Variants in PAK3 observed in about 807,000 individuals in gnomAD.
PAK3 encodes the protein serine/threonine-protein kinase PAK 3.
PAK3 carries 4 observed loss-of-function variants against 41.0 expected under a neutral mutation model. The ratio of observed to expected loss-of-function variants is 0.10; its 90% CI spans 0.05 to 0.22. The LOEUF (loss-of-function observed/expected upper bound fraction) is 0.22. PAK3 is among the 10% of genes least tolerant of loss of function. The pLI is 1.00. For synonymous variants in PAK3, 146 were observed against 139.6 expected (o/e 1.05, Z -0.32); for missense variants, 205 against 409.9 (o/e 0.50, Z 4.32).
In PAK3 at chrX:111,089,030, A is replaced by G. The variant is rs139180523; in HGVS notation, c.-27-34047A>G. 1.4e-3 allele frequency among the ~76,000 whole-genome samples: 154 copies of G among 111,649 alleles called. 1 individual carries two copies. The highest frequency in any genetic ancestry group is 2.3e-3 in the Non-Finnish European group (124 of 53,170). On this transcript the variant is annotated intron_variant, in intron 1 of 14. Transcript: ENST00000425146. Reference sequence around the variant, plus strand: ...ATATTGACATTCAGATTAACTATTAATAATGTTGCTCCTCTTCAGCCAAGT... The same window carrying G: ...ATATTGACATTCAGATTAACTATTAGTAATGTTGCTCCTCTTCAGCCAAGT...
At chrX:111,164,035 A>T (rs1165199954) in intron 10 of PAK3, among the ~76,000 whole-genome samples, 1 of 112,165 alleles carries the variant, frequency 8.9e-6, no homozygotes. Context: ...ATATGTTATG[A>T]TCATAACCCA....
At chrX:110,955,107 C>T (rs1056290617) in intron 1 of PAK3, among the ~76,000 whole-genome samples, 1 of 112,322 alleles carries the variant, frequency 8.9e-6, no homozygotes, top group Non-Finnish European at 1.9e-5. Context: ...TCCAGCAATA[C>T]AGACTCATTG....
At chrX:110,977,039 A>G (rs2091350388) in intron 1 of PAK3, among the ~76,000 whole-genome samples, 1 of 110,560 alleles carries the variant, frequency 9.0e-6, no homozygotes, top group Admixed American at 9.7e-5. Flanking sequence ...GCAAACCAAC[A>G]TGACACATGT....
intron 7 of PAK3, among the ~76,000 whole-genome samples, chrX:111,148,180 C>CCAAGTCACTCAGTCACAAAG (rs1394314882): frequency 8.9e-6 from 1 of 111,888 alleles, no homozygotes; most frequent in Admixed American, 9.4e-5. Context: ...CACTCAGTCA[C>CCAAGTCACTCAGTCACAAAG]TTACTGGGCT....
In PAK3 at chrX:111,220,945, C is replaced by CAAAAAAAAAAAAAAAAAAAAAA; in HGVS notation, c.*515_*516insAAAAAAAAAAAAAAAAAAAAAA. The stretch of plus-strand genomic sequence containing the variant: ...AAAAAAGAAAGCAAAAAAAGCAAGG[C>CAAAAAAAAAAAAAAAAAAAAAA]AAAAAAAAAAAAAAAAACAAACAAA... On this transcript the variant is annotated 3_prime_UTR_variant, in exon 18 of 18. Coordinates refer to ENST00000372007, the MANE Select transcript of PAK3 (RefSeq NM_002578.5). 4 of 49,419 alleles carry CAAAAAAAAAAAAAAAAAAAAAA rather than the reference C, an allele frequency of 8.1e-5. No homozygotes were observed. The highest frequency in any genetic ancestry group is 3.4e-4 in the African/African-American group (4 of 11,736). 4.1% of individuals were successfully genotyped at this position (49,419 alleles called of 1,213,427 possible). A position where few individuals can be genotyped will look rare whatever the true frequency, so the allele number is the denominator to read the frequency against.
At chrX:111,137,813 T>C (rs1249482636) in intron 5 of PAK3, among the ~76,000 whole-genome samples, 1 of 111,453 alleles carries the variant, frequency 9.0e-6, no homozygotes, top group African/African-American at 3.3e-5. Context: ...TGAGTTCCAA[T>C]AGAATATGGG....
chrX:111,195,109 T>C lies in PAK3; in HGVS notation c.1110+691T>C, dbSNP rs2094599516. On this transcript the variant is annotated intron_variant, in intron 14 of 17. Coordinates refer to ENST00000372007, the MANE Select transcript of PAK3 (RefSeq NM_002578.5). ...TTTCTATCAACAAAAGTAGGAACTC[T>C]GACTCACTGAAACTTGAAAACCAAT... Among the ~76,000 whole-genome samples, 4 of 112,463 alleles carry C rather than the reference T, an allele frequency of 3.6e-5. No homozygotes were observed. The Admixed American group carries it at 3.8e-4, about 11-fold the overall frequency.
Position 111,049,612 on chromosome X carries a change from A to G in PAK3, c.-27-73465A>G, listed in dbSNP as rs763118881. ...GACTAATCCCACCCAAATTGCATTTAAAGGCATTTAATACAGAAAATTTAT... is the reference window on the plus strand; with the variant it reads ...GACTAATCCCACCCAAATTGCATTTGAAGGCATTTAATACAGAAAATTTAT... On this transcript the variant is annotated intron_variant, in intron 1 of 14. Transcript: ENST00000425146. Among the ~76,000 whole-genome samples the G allele has an allele frequency of 3.6e-5, 4 of 112,484 alleles. No homozygotes were observed. In the East Asian group the frequency reaches 1.1e-3, roughly 31 times the overall value.
intron 1 of PAK3, among the ~76,000 whole-genome samples, chrX:111,044,068 G>A (rs745561417): frequency 9.9e-5 from 11 of 111,061 alleles, no homozygotes; most frequent in Non-Finnish European, 1.5e-4. Context: ...TCTGATTTCC[G>A]GTGGCTTCAA....
At chrX:111,190,825 C>A (rs1433363971) in intron 11 of PAK3, among the ~76,000 whole-genome samples, 1 of 112,356 alleles carries the variant, frequency 8.9e-6, no homozygotes, top group Non-Finnish European at 1.9e-5. Flanking sequence ...AGAAAGTTTA[C>A]AAAGCAATGT....
chrX:110,983,615 CAAA>C (rs2091487623), intron 1 of PAK3, among the ~76,000 whole-genome samples: 1 of 109,793 alleles, frequency 9.1e-6, no homozygotes, highest in Non-Finnish European at 1.9e-5. Flanking sequence ...CCTCTCAAGT[CAAA>C]GAAGGTACAG....
chrX:111,145,853 G>T (rs1330979184), intron 6 of PAK3, among the ~76,000 whole-genome samples: 1 of 111,769 alleles, frequency 8.9e-6, no homozygotes, highest in Non-Finnish European at 1.9e-5. Context: ...GTTTGAAATG[G>T]AATTGTTCCC....
chrX:110,958,504 G>A (rs2090912403), intron 1 of PAK3, among the ~76,000 whole-genome samples: 1 of 111,475 alleles, frequency 9.0e-6, no homozygotes, highest in South Asian at 3.8e-4. Context: ...GAGGGCAAAT[G>A]CAGCATGTGT....
rs1012903002 is a variant in PAK3, at chrX:111,061,990, AT to A, written c.-27-61079del. ...CCATAACACCCAGTTAATTTTTTAA[AT>A]TTTTTTTGTAGAGACAGGGTCTCGC... On this transcript the variant is annotated intron_variant, in intron 1 of 14. Coordinates refer to the PAK3 transcript ENST00000425146. Among the ~76,000 whole-genome samples, 4 of 109,594 alleles carry A rather than the reference AT, an allele frequency of 3.6e-5. 1 individual carries two copies. In the South Asian group the frequency reaches 1.6e-3, roughly 44 times the overall value.
At chrX:111,177,776 TG>T (rs1210681490) in intron 11 of PAK3, among the ~76,000 whole-genome samples, 2 of 111,905 alleles carry the variant, frequency 1.8e-5, no homozygotes, top group African/African-American at 6.5e-5. Context: ...GCAATAGCTA[TG>T]TAACAGAGGG....
intron 1 of PAK3, among the ~76,000 whole-genome samples, chrX:110,982,657 G>C (rs1284753099): frequency 1.8e-5 from 2 of 111,762 alleles, no homozygotes; most frequent in Non-Finnish European, 3.8e-5. Context: ...ACCATAGCAT[G>C]GCATCTTTTG....
At chrX:110,971,919 A>T (rs1196815819) in intron 1 of PAK3, among the ~76,000 whole-genome samples, 1 of 111,604 alleles carries the variant, frequency 9.0e-6, no homozygotes, top group African/African-American at 3.3e-5. Context: ...CAGCACCATT[A>T]GTTGAAAAGA....
chrX:110,998,609 T>C (rs2091786925), intron 1 of PAK3, among the ~76,000 whole-genome samples: 1 of 111,335 alleles, frequency 9.0e-6, no homozygotes, highest in Non-Finnish European at 1.9e-5. Context: ...GGAATTAGGG[T>C]CAAAAGAGGG....
At chrX:111,069,131 G>T (rs193302401) in intron 1 of PAK3, among the ~76,000 whole-genome samples, 144 of 112,073 alleles carry the variant, frequency 1.3e-3, no homozygotes, top group African/African-American at 4.5e-3. Context: ...TCAGGAGTCA[G>T]TTGGTCCACT....
Sources: gnomAD v4.1 joint callset for allele counts (sites outside exome capture counted in the v4.1 genomes callset) on GRCh38, gnomAD v4.1.1 for gene constraint, MANE v1.5 for transcripts, NCBI Gene and HGNC (gene_info 2026-07-23, HGNC 2026-07-21) for gene names.